Variants in SUSD1 observed in about 807,000 individuals in gnomAD.
SUSD1 encodes sushi domain-containing protein 1.
SUSD1 carries 65 observed loss-of-function variants against 86.9 expected under a neutral mutation model. The ratio of observed to expected loss-of-function variants is 0.75; its 90% confidence interval spans 0.61 to 0.92. The LOEUF is 0.92. SUSD1 is among the 40% of genes least tolerant of loss of function. The probability of loss-of-function intolerance (pLI) is 0.00; values close to 1 mark genes in which losing one functional copy is unlikely to be tolerated. For synonymous variants in SUSD1, 346 were observed against 350.0 expected (o/e 0.99, Z 0.13); for missense variants, 850 against 929.7 (o/e 0.91, Z 1.11).
At chr9:112,137,249 A>T (rs556035542) in intron 5 of SUSD1, among the ~76,000 whole-genome samples, 2 of 152,204 alleles carry the variant, frequency 1.3e-5, no homozygotes, top group African/African-American at 4.8e-5. Context: ...AACCGAGGCC[A>T]TGTAGTGACA....
At position 112,130,559 on chromosome 9, in the gene SUSD1, A is replaced by C. The variant is rs1174677128; in HGVS notation, c.707-6123T>G. Among the ~76,000 whole-genome samples, 5 of 150,336 alleles carry C rather than the reference A, an allele frequency of 3.3e-5. No individual in the cohort carries two copies. In the East Asian group the frequency reaches 5.9e-4, roughly 18 times the overall value. On this transcript the variant is annotated intron_variant, in intron 5 of 16. Coordinates refer to ENST00000374270, the MANE Select transcript of SUSD1 (RefSeq NM_022486.5). ...GGAAGGAAAGGAAGGAAAGAAAAGA[A>C]AGGAAAGAAAGGAAAGGAAAGGAGG...
chr9:112,109,713 T>C (rs893060687), intron 8 of SUSD1, among the ~76,000 whole-genome samples: 3 of 152,194 alleles, frequency 2.0e-5, no homozygotes, highest in Non-Finnish European at 4.4e-5. Flanking sequence ...CAGCAACCTG[T>C]CATCCTCACT....
chr9:112,085,216 G>C (rs1398545341), intron 10 of SUSD1, among the ~76,000 whole-genome samples: 6 of 152,216 alleles, frequency 3.9e-5, no homozygotes, highest in African/African-American at 1.4e-4. Context: ...CTCTGAGTAA[G>C]ACATGCTTTC....
rs1422283820 is a variant in SUSD1 at position 112,058,694 on chromosome 9, A to C, written c.1851-8T>G. ...ACTAACACCTGATATGAACTGGAAG[A>C]AAAAAGGAGAAGTGTCCATCAGACC... On this transcript the variant is annotated splice_region_variant and splice_polypyrimidine_tract_variant and intron_variant, in intron 13 of 16. Coordinates refer to ENST00000374270, the MANE Select transcript of SUSD1 (RefSeq NM_022486.5). 1.9e-6 allele frequency: 3 copies of C among 1,613,244 alleles called. No homozygotes were observed. The highest frequency in any genetic ancestry group is 1.3e-5 in the African/African-American group (1 of 74,822).
At chr9:112,063,152 A>T in intron 12 of SUSD1, 119 bp from the exon 13 acceptor site, 1 of 582,716 alleles carries the variant, frequency 1.7e-6, no homozygotes, top group Non-Finnish European at 3.1e-6. Flanking sequence ...CGAGGAGCCT[A>T]TTCTGTACAT....
intron 1 of SUSD1, among the ~76,000 whole-genome samples, chr9:112,167,794 C>T (rs1833885104): frequency 6.6e-6 from 1 of 152,156 alleles, no homozygotes; most frequent in Admixed American, 6.5e-5. Flanking sequence ...TAAAGACATA[C>T]CCGAGACTGG....
intron 1 of SUSD1, among the ~76,000 whole-genome samples, chr9:112,162,891 GT>G (rs1833631299): frequency 6.6e-6 from 1 of 152,178 alleles, no homozygotes; most frequent in Non-Finnish European, 1.5e-5. Context: ...TATGGAAAAT[GT>G]AATTCTGCTA....
chr9:112,166,506 G>GCTCAAC (rs1214378045), intron 1 of SUSD1, among the ~76,000 whole-genome samples: 1 of 152,174 alleles, frequency 6.6e-6, no homozygotes, highest in Non-Finnish European at 1.5e-5. Flanking sequence ...TGCCAGACTA[G>GCTCAAC]CTCAACCTCA....
At chr9:112,051,830 T>C (rs1394455435) in intron 15 of SUSD1, among the ~76,000 whole-genome samples, 1 of 152,182 alleles carries the variant, frequency 6.6e-6, no homozygotes, top group Non-Finnish European at 1.5e-5. Context: ...ATAGGGATTT[T>C]GTCTCCCTTT....
intron 4 of SUSD1, among the ~76,000 whole-genome samples, 170 bp downstream of exon 4, chr9:112,143,301 T>C (rs76154747): frequency 0.032 from 4,795 of 152,148 alleles, 267 homozygotes; most frequent in African/African-American, 0.11. Context: ...TTTTTTAACA[T>C]GGCCCCCTGT....
chr9:112,043,372 C>T (rs1564238846), intron 15 of SUSD1, among the ~76,000 whole-genome samples: 1 of 152,148 alleles, frequency 6.6e-6, no homozygotes, highest in Non-Finnish European at 1.5e-5. Context: ...TTGTGGCCCC[C>T]AACCAGAAAT....
chr9:112,134,943 G>C (rs953954795), intron 5 of SUSD1, among the ~76,000 whole-genome samples: 1 of 152,006 alleles, frequency 6.6e-6, no homozygotes, highest in Admixed American at 6.6e-5. Context: ...GCAGGCGCCT[G>C]TAATCCCAGC....
intron 6 of SUSD1, among the ~76,000 whole-genome samples, chr9:112,122,814 A>G (rs1023666325): frequency 3.3e-5 from 5 of 152,238 alleles, no homozygotes; most frequent in Admixed American, 1.3e-4. Context: ...ATGTTGACAC[A>G]TGTTACAACA....
At chr9:112,106,442 C>G (rs988150316) in intron 8 of SUSD1, among the ~76,000 whole-genome samples, 19 of 152,130 alleles carry the variant, frequency 1.2e-4, no homozygotes, top group African/African-American at 4.3e-4. Flanking sequence ...AAAAGACATT[C>G]TCAGATCATC....
chr9:112,120,434 C>T (rs540818925), intron 6 of SUSD1, among the ~76,000 whole-genome samples: 7 of 152,260 alleles, frequency 4.6e-5, no homozygotes, highest in Admixed American at 4.6e-4. Context: ...GCAGCTCTCA[C>T]TACATTACCA....
At chr9:112,152,015 CA>C (rs1261962419) in intron 2 of SUSD1, among the ~76,000 whole-genome samples, 2 of 150,474 alleles carry the variant, frequency 1.3e-5, no homozygotes, top group Admixed American at 6.6e-5. Context: ...GCCTGGGCAA[CA>C]AGAGCAAAAC....
intron 2 of SUSD1, among the ~76,000 whole-genome samples, chr9:112,152,292 C>T: frequency 6.6e-6 from 1 of 151,344 alleles, no homozygotes; most frequent in Non-Finnish European, 1.5e-5. Context: ...ATTTTTTTAA[C>T]TTATTGACTC....
chr9:112,112,082 A>C, intron 7 of SUSD1: 4 of 374,562 alleles, frequency 1.1e-5, no homozygotes, highest in African/African-American at 2.1e-5. Flanking sequence ...AAATGATCAA[A>C]TGGAGACAAT....
chr9:112,070,488 C>T (rs766709346), intron 12 of SUSD1, among the ~76,000 whole-genome samples: 50 of 152,220 alleles, frequency 3.3e-4, no homozygotes, highest in Admixed American at 1.0e-3. Context: ...TTTCCATCAA[C>T]CTCGTTACTG....
Sources: allele counts gnomAD v4.1 joint callset (sites outside exome capture counted in the v4.1 genomes callset), GRCh38; gene constraint gnomAD v4.1.1; transcripts MANE v1.5; gene names NCBI Gene and HGNC (gene_info 2026-07-23, HGNC 2026-07-21).